Variants in PSKH1 observed in about 807,000 individuals in gnomAD.
The protein encoded by PSKH1 is serine/threonine-protein kinase H1.
Under a neutral mutation model 26.7 loss-of-function variants are expected in PSKH1, and 12 were observed. That is an observed-to-expected ratio of 0.45 (90% confidence interval 0.29 to 0.73). The LOEUF (loss-of-function observed/expected upper bound fraction) is 0.73. Ranked by LOEUF, PSKH1 falls within the 30% of genes least tolerant of loss-of-function variation. The pLI, the probability that PSKH1 is intolerant of heterozygous loss-of-function variation, is 0.11. For missense variants in PSKH1, 431 were observed against 595.2 expected, an observed-to-expected ratio of 0.72 and a Z score of 2.87; for synonymous variants, 213 against 234.3, an observed-to-expected ratio of 0.91 and a Z score of 0.83.
chr16:67,896,301 G>A (rs1224459194), intron 1 of PSKH1, among the ~76,000 whole-genome samples: 1 of 151,778 alleles, frequency 6.6e-6, no homozygotes, highest in Non-Finnish European at 1.5e-5. Flanking sequence ...TAGAGACGAG[G>A]TTTCACCGTA....
chr16:67,907,461 A>G (rs1260005419), intron 1 of PSKH1, among the ~76,000 whole-genome samples: 2 of 151,144 alleles, frequency 1.3e-5, no homozygotes, highest in African/African-American at 2.4e-5. Context: ...GGGTTTCACC[A>G]TATTGGCCAG....
At chr16:67,926,289 C>T (rs909285967) in intron 2 of PSKH1, among the ~76,000 whole-genome samples, 4 of 152,218 alleles carry the variant, frequency 2.6e-5, no homozygotes, top group East Asian at 3.8e-4. Flanking sequence ...GGCACCCATC[C>T]GGCAGCACCG....
chr16:67,910,103 TTG>T, intron 2 of PSKH1: 2 of 404,776 alleles, frequency 4.9e-6, no homozygotes, highest in Non-Finnish European at 8.8e-6. Context: ...TCTTTTTGTT[TTG>T]TTTTTTTTTT....
intron 2 of PSKH1, chr16:67,910,099 T>C (rs2058169114): frequency 2.4e-6 from 1 of 415,046 alleles, no homozygotes; most frequent in African/African-American, 2.0e-5. Context: ...AGTTTCTTTT[T>C]GTTTTGTTTT....
intron 2 of PSKH1, among the ~76,000 whole-genome samples, chr16:67,911,362 GC>G (rs766875981): frequency 2.6e-4 from 39 of 152,228 alleles, no homozygotes; most frequent in Admixed American, 5.2e-4. Flanking sequence ...GCCTTTTCTG[GC>G]CCCAGCCAGC....
chr16:67,904,748 C>T (rs1362030279), intron 1 of PSKH1, among the ~76,000 whole-genome samples: 1 of 152,106 alleles, frequency 6.6e-6, no homozygotes, highest in East Asian at 1.9e-4. Context: ...TCCCAAAGAG[C>T]TGGGATTACT....
chr16:67,923,624 C>T (rs904943737), intron 2 of PSKH1, among the ~76,000 whole-genome samples: 2 of 152,222 alleles, frequency 1.3e-5, no homozygotes, highest in Admixed American at 1.3e-4. Context: ...TCGTGCTCCA[C>T]GTCGGCCCAG....
intron 1 of PSKH1, among the ~76,000 whole-genome samples, chr16:67,894,660 T>C (rs2058121056): frequency 6.6e-6 from 1 of 152,202 alleles, no homozygotes. Context: ...TGTCACATGG[T>C]GGTCTTCTGT....
intron 2 of PSKH1, among the ~76,000 whole-genome samples, chr16:67,913,080 G>T (rs1244521622): frequency 6.6e-6 from 1 of 152,000 alleles, no homozygotes; most frequent in Non-Finnish European, 1.5e-5. Flanking sequence ...AGCTACTCAG[G>T]AGGCTGAGGT....
rs539894622 is a variant in PSKH1, at chr16:67,901,020, G to C, written c.-71+7649G>C. ...CTGCATTTTCACCTGACCACAGTGTGGAGAGGGAGTTTAACAGATGTGATG... is the reference window on the plus strand; with the variant it reads ...CTGCATTTTCACCTGACCACAGTGTCGAGAGGGAGTTTAACAGATGTGATG... On this transcript the variant is annotated intron_variant, in intron 1 of 2. Coordinates refer to ENST00000291041, the MANE Select transcript of PSKH1 (RefSeq NM_006742.3). 2.0e-5 allele frequency among the ~76,000 whole-genome samples: 3 copies of C among 152,264 alleles called. No homozygotes were observed. The East Asian group carries it at 5.8e-4, about 29-fold the overall frequency.
At chr16:67,904,922 A>T (rs1323489003) in intron 1 of PSKH1, among the ~76,000 whole-genome samples, 2 of 142,480 alleles carry the variant, frequency 1.4e-5, no homozygotes, top group South Asian at 4.4e-4. Context: ...TGCCTCCCGC[A>T]TTCACGCCAT....
At chr16:67,915,208 AGTGTGTGT>A (rs10599179) in intron 2 of PSKH1, among the ~76,000 whole-genome samples, 3 of 143,988 alleles carry the variant, frequency 2.1e-5, no homozygotes, top group Non-Finnish European at 4.6e-5. Context: ...AGAGAGAGAG[AGTGTGTGT>A]GTGTGTGTGT....
At chr16:67,926,184 G>A (rs1017999633) in intron 2 of PSKH1, among the ~76,000 whole-genome samples, 1 of 152,104 alleles carries the variant, frequency 6.6e-6, no homozygotes, top group Non-Finnish European at 1.5e-5. Context: ...CCTTGGGGGA[G>A]CCTCAGAGCC....
intron 1 of PSKH1, among the ~76,000 whole-genome samples, chr16:67,899,087 C>CTG (rs2058134704): frequency 6.6e-6 from 1 of 152,168 alleles, no homozygotes; most frequent in African/African-American, 2.4e-5. Flanking sequence ...CATCCTTGCT[C>CTG]CCTGCCCCGG....
At chr16:67,920,154 C>A (rs948251553) in intron 2 of PSKH1, among the ~76,000 whole-genome samples, 1 of 152,216 alleles carries the variant, frequency 6.6e-6, no homozygotes, top group Non-Finnish European at 1.5e-5. Flanking sequence ...TCTGTCTCCA[C>A]CTGGAGAGCA....
chr16:67,899,815 T>C (rs2058136977), intron 1 of PSKH1, among the ~76,000 whole-genome samples: 1 of 151,542 alleles, frequency 6.6e-6, no homozygotes, highest in African/African-American at 2.4e-5. Context: ...ACTTGGCTAA[T>C]TTTTTTGTAT....
At chr16:67,906,319 G>A (rs2058155926) in intron 1 of PSKH1, among the ~76,000 whole-genome samples, 2 of 150,948 alleles carry the variant, frequency 1.3e-5, no homozygotes, top group South Asian at 4.2e-4. Context: ...TGATCCACCC[G>A]CCTTGGCCTC....
intron 1 of PSKH1, among the ~76,000 whole-genome samples, chr16:67,897,209 A>G (rs78572164): frequency 6.6e-6 from 1 of 152,124 alleles, no homozygotes; most frequent in Non-Finnish European, 1.5e-5. Context: ...ATGGGGAAAA[A>G]TTTTTGAGAA....
rs375023815 is a variant in PSKH1 at position 67,904,362 on chromosome 16, C to T, written c.-70-4318C>T. Among the ~76,000 whole-genome samples, 6 of 151,878 alleles carry T rather than the reference C, an allele frequency of 4.0e-5. 1 individual carries two copies. The highest frequency in any genetic ancestry group is 1.9e-4 in the East Asian group (1 of 5,170). On this transcript the variant is annotated intron_variant, in intron 1 of 2. Transcript: ENST00000291041. The stretch of plus-strand genomic sequence containing the variant: ...GATTACAGGCATGCGCCACCACGCC[C>T]GACTAATATTTTTGTATTTTTTTGG...
Sources: gnomAD v4.1 joint callset for allele counts (sites outside exome capture counted in the v4.1 genomes callset) on GRCh38, gnomAD v4.1.1 for gene constraint, MANE v1.5 for transcripts, NCBI Gene and HGNC (gene_info 2026-07-23, HGNC 2026-07-21) for gene names.